The following PTPRD variants were observed in gnomAD, a reference collection of about 807,000 sequenced individuals.
PTPRD encodes the protein receptor-type tyrosine-protein phosphatase delta.
In PTPRD, 34 loss-of-function variants were observed where a neutral mutation model predicts 214.5. The ratio of observed to expected loss-of-function variants is 0.16; its 90% CI spans 0.12 to 0.21. The LOEUF is 0.21. PTPRD is among the 10% of genes least tolerant of loss of function. PTPRD has a pLI of 1.00. For missense variants in PTPRD, 2,545 were observed against 2,398.7 expected, an observed-to-expected ratio of 1.06 and a Z score of -1.27; for synonymous variants, 1,128 against 845.7, an observed-to-expected ratio of 1.33 and a Z score of -5.79.
At chr9:9,131,494 A>G (rs970892012) in intron 10 of PTPRD, among the ~76,000 whole-genome samples, 1 of 152,192 alleles carries the variant, frequency 6.6e-6, no homozygotes, top group Non-Finnish European at 1.5e-5. Flanking sequence ...CGCTATTACC[A>G]TTGTAAAAAC....
chr9:9,398,443 C>G (rs2068766011), intron 8 of PTPRD, among the ~76,000 whole-genome samples: 1 of 151,978 alleles, frequency 6.6e-6, no homozygotes. Context: ...CTAAAGGAGA[C>G]AATTTATTTA....
intron 9 of PTPRD, among the ~76,000 whole-genome samples, chr9:9,276,088 T>C (rs773838015): frequency 1.3e-5 from 2 of 151,354 alleles, no homozygotes; most frequent in Non-Finnish European, 3.0e-5. Flanking sequence ...TGTCTAATGT[T>C]GCTTAACCCC....
intron 35 of PTPRD, among the ~76,000 whole-genome samples, chr9:8,406,922 AT>A (rs1332637412): frequency 6.6e-6 from 1 of 152,228 alleles, no homozygotes; most frequent in Non-Finnish European, 1.5e-5. Context: ...GCTCACTGGT[AT>A]ACGTACAGTG....
At chr9:9,307,018 T>C (rs1487167145) in intron 9 of PTPRD, among the ~76,000 whole-genome samples, 2 of 152,190 alleles carry the variant, frequency 1.3e-5, no homozygotes, top group Non-Finnish European at 2.9e-5. Context: ...AGATTCAAAT[T>C]GTTAACATTT....
intron 2 of PTPRD, among the ~76,000 whole-genome samples, chr9:10,436,932 G>A (rs892595021): frequency 1.3e-5 from 2 of 151,758 alleles, no homozygotes; most frequent in Non-Finnish European, 2.9e-5. Context: ...GATGCAAGAT[G>A]TCCACTTACA....
intron 14 of PTPRD, among the ~76,000 whole-genome samples, chr9:8,604,294 A>C (rs1432273295): frequency 6.6e-6 from 1 of 152,210 alleles, no homozygotes; most frequent in African/African-American, 2.4e-5. Flanking sequence ...AGATCTCAGA[A>C]AATAGCCAGG....
At chr9:10,504,067 G>C (rs994147971) in intron 2 of PTPRD, among the ~76,000 whole-genome samples, 2 of 128,056 alleles carry the variant, frequency 1.6e-5, no homozygotes, top group East Asian at 4.8e-4. Flanking sequence ...AGTGAGCCGA[G>C]ATCGCGCCAC....
At chr9:10,357,470 C>T (rs1019422871) in intron 2 of PTPRD, among the ~76,000 whole-genome samples, 1 of 152,054 alleles carries the variant, frequency 6.6e-6, no homozygotes, top group Non-Finnish European at 1.5e-5. Context: ...CTGTTCAGTG[C>T]CAGTAAAATG....
At chr9:8,851,388 GCTTT>G (rs996240633) in intron 11 of PTPRD, among the ~76,000 whole-genome samples, 8 of 152,116 alleles carry the variant, frequency 5.3e-5, no homozygotes, top group African/African-American at 1.4e-4. Flanking sequence ...TGCTTTAAAT[GCTTT>G]CTAAGATAAA....
At chr9:9,100,550 G>T (rs563457493) in intron 10 of PTPRD, among the ~76,000 whole-genome samples, 1 of 152,184 alleles carries the variant, frequency 6.6e-6, no homozygotes, top group South Asian at 2.1e-4. Flanking sequence ...ACAGAACATT[G>T]TTCAAGCAGA....
intron 4 of PTPRD, among the ~76,000 whole-genome samples, chr9:10,015,691 C>A (rs574856265): frequency 2.6e-5 from 4 of 151,942 alleles, no homozygotes; most frequent in South Asian, 2.1e-4. Flanking sequence ...AGAAAAAGAA[C>A]GAGAAGGAAG....
At chr9:8,890,614 C>T (rs2098530911) in intron 11 of PTPRD, among the ~76,000 whole-genome samples, 1 of 152,180 alleles carries the variant, frequency 6.6e-6, no homozygotes, top group African/African-American at 2.4e-5. Flanking sequence ...TATTAGACAG[C>T]TATTTTCAGA....
intron 12 of PTPRD, among the ~76,000 whole-genome samples, chr9:8,699,052 C>T (rs535703191): frequency 2.2e-4 from 34 of 152,258 alleles, no homozygotes; most frequent in African/African-American, 7.5e-4. Flanking sequence ...TTCTCATACC[C>T]TACCAGAATT....
intron 3 of PTPRD, among the ~76,000 whole-genome samples, chr9:10,187,159 A>G (rs2099337694): frequency 6.6e-6 from 1 of 152,152 alleles, no homozygotes; most frequent in Admixed American, 6.6e-5. Context: ...CTGATTTTTT[A>G]TATCTTTCAT....
rs1239361357 is a variant in PTPRD at position 9,933,983 on chromosome 9, G to A, written c.-368+4524C>T. The stretch of plus-strand genomic sequence containing the variant: ...CAACCTGCTCCTGAATGACTACTGG[G>A]TACATAATGAAATGAAGGCAGAAAT... On this transcript the variant is annotated intron_variant, in intron 5 of 45. Coordinates refer to ENST00000381196, the MANE Select transcript of PTPRD (RefSeq NM_002839.4). 3.4e-4 allele frequency among the ~76,000 whole-genome samples: 50 copies of A among 146,286 alleles called. 3 individuals are homozygous for A. The highest frequency in any genetic ancestry group is 1.3e-3 in the African/African-American group (47 of 37,092).
At chr9:8,423,602 G>A (rs893772540) in intron 35 of PTPRD, among the ~76,000 whole-genome samples, 5 of 152,022 alleles carry the variant, frequency 3.3e-5, no homozygotes, top group Admixed American at 2.0e-4. Flanking sequence ...TTCTTCATTG[G>A]TCTTATCTAA....
At chr9:8,344,053 A>G (rs1392358640) in intron 39 of PTPRD, among the ~76,000 whole-genome samples, 1 of 151,140 alleles carries the variant, frequency 6.6e-6, no homozygotes. Context: ...ATTGCAGTTA[A>G]AGGAACCTAA....
At chr9:10,179,160 A>G (rs776331395) in intron 3 of PTPRD, among the ~76,000 whole-genome samples, 2 of 152,038 alleles carry the variant, frequency 1.3e-5, no homozygotes, top group Non-Finnish European at 2.9e-5. Flanking sequence ...CATCATTCAT[A>G]TCAACAGCAG....
chr9:10,402,036 C>T, intron 2 of PTPRD, among the ~76,000 whole-genome samples: 1 of 151,186 alleles, frequency 6.6e-6, no homozygotes, highest in Middle Eastern at 3.4e-3. Flanking sequence ...GAAAAATATT[C>T]ATAAAGTTTA....
Sources: gnomAD v4.1 joint callset for allele counts (sites outside exome capture counted in the v4.1 genomes callset) on GRCh38, gnomAD v4.1.1 for gene constraint, MANE v1.5 for transcripts, NCBI Gene and HGNC (gene_info 2026-07-23, HGNC 2026-07-21) for gene names.